NOS1AP: variants seen among roughly 807,000 people sequenced by gnomAD.
The protein encoded by NOS1AP is nitric oxide synthase 1 adaptor protein.
NOS1AP carries 21 observed loss-of-function variants against 56.2 expected under a neutral mutation model. The observed-to-expected ratio is 0.37, with a 90% CI of 0.26 to 0.54. The LOEUF (loss-of-function observed/expected upper bound fraction) is 0.54. NOS1AP is among the 20% of genes least tolerant of loss of function. The pLI is 0.84. For synonymous variants in NOS1AP, 270 were observed against 274.6 expected, an observed-to-expected ratio of 0.98 and a Z score of 0.17; for missense variants, 522 against 657.8, an observed-to-expected ratio of 0.79 and a Z score of 2.26.
At position 162,069,874 on chromosome 1, in the gene NOS1AP, T is replaced by A. The variant is rs1199047296; in HGVS notation, c.-304T>A. ...CGGGCCGCAAGCCCCACCGCTCCCC[T>A]CCCCGGGCAGGGGCGCCGCGCAGCC... On this transcript the variant is annotated 5_prime_UTR_variant, in exon 1 of 10. Transcript: ENST00000361897. 9 of 163,976 alleles carry A rather than the reference T, an allele frequency of 5.5e-5. No individual in the cohort carries two copies. The highest frequency in any genetic ancestry group is 1.8e-4 in the South Asian group (1 of 5,688). 10.2% of individuals were successfully genotyped at this position (163,976 alleles called of 1,614,324 possible).
At chr1:162,289,464 CTTTTCTTTTTT>C (rs1655213517) in intron 3 of NOS1AP, among the ~76,000 whole-genome samples, 1 of 45,050 alleles carries the variant, frequency 2.2e-5, no homozygotes, top group African/African-American at 7.9e-5. Context: ...CGCCCAGCTA[CTTTTCTTTTTT>C]TTTTTTTTTT....
chr1:162,285,737 C>T (rs186763890), intron 2 of NOS1AP, among the ~76,000 whole-genome samples: 9 of 152,236 alleles, frequency 5.9e-5, no homozygotes, highest in Admixed American at 1.3e-4. Flanking sequence ...CTCCTGTCTC[C>T]GTGTGTTTGC....
intron 1 of NOS1AP, among the ~76,000 whole-genome samples, chr1:162,149,179 G>A (rs559053453): frequency 6.6e-6 from 1 of 152,358 alleles, no homozygotes; most frequent in South Asian, 2.1e-4. Context: ...AAGGAGTGCT[G>A]TTTCAAAGTG....
At chr1:162,128,628 A>T (rs1648600537) in intron 1 of NOS1AP, among the ~76,000 whole-genome samples, 2 of 152,140 alleles carry the variant, frequency 1.3e-5, no homozygotes, top group Non-Finnish European at 2.9e-5. Flanking sequence ...AATCTTCTTT[A>T]TTTAATAGAG....
chr1:162,132,245 T>C (rs998073849), intron 1 of NOS1AP, among the ~76,000 whole-genome samples: 1 of 152,178 alleles, frequency 6.6e-6, no homozygotes, highest in African/African-American at 2.4e-5. Flanking sequence ...CAGAAGTTGA[T>C]GGCATCCTTG....
intron 2 of NOS1AP, among the ~76,000 whole-genome samples, chr1:162,260,105 C>G (rs924920530): frequency 6.6e-6 from 1 of 151,708 alleles, no homozygotes; most frequent in Admixed American, 6.6e-5. Flanking sequence ...TGCCATATAT[C>G]AAGGCAGTGA....
Position 162,367,516 on chromosome 1 carries a change from G to A in NOS1AP, c.*49G>A, listed in dbSNP as rs2101833448. 6.6e-7 allele frequency: 1 copy of A among 1,504,284 alleles called. No individual in the cohort carries two copies. Among genetic ancestry groups the A allele is most frequent in the South Asian group, 1.3e-5 (1 of 78,938 alleles). 93.2% of individuals were successfully genotyped at this position (1,504,284 alleles called of 1,614,324 possible). A position where few individuals can be genotyped will look rare whatever the true frequency, so the allele number is the denominator to read the frequency against. The stretch of plus-strand genomic sequence containing the variant: ...GCGGCGGCGTGGCTGGAGGGGCCGT[G>A]TCTGGCTGCTGCCCGGGTAGGGGAT... On this transcript the variant is annotated 3_prime_UTR_variant, in exon 10 of 10. Transcript: ENST00000361897. The surrounding 1 kb of genome is among the most constrained non-coding windows in gnomAD (Gnocchi z 6.5).
At chr1:162,215,287 G>GA (rs1652527320) in intron 2 of NOS1AP, among the ~76,000 whole-genome samples, 1 of 152,232 alleles carries the variant, frequency 6.6e-6, no homozygotes, top group Non-Finnish European at 1.5e-5. Flanking sequence ...TGCCAGAGCT[G>GA]AGCCACAGCA....
intron 1 of NOS1AP, among the ~76,000 whole-genome samples, chr1:162,074,879 G>C (rs1030173435): frequency 1.3e-5 from 2 of 152,118 alleles, no homozygotes; most frequent in Non-Finnish European, 2.9e-5. Flanking sequence ...CAGCATGGTG[G>C]CCCTTTTGTT....
intron 2 of NOS1AP, among the ~76,000 whole-genome samples, chr1:162,181,822 C>T (rs1228426822): frequency 6.6e-6 from 1 of 152,184 alleles, no homozygotes; most frequent in Non-Finnish European, 1.5e-5. Flanking sequence ...TCAGTACTCT[C>T]CTTGTATCAG....
At chr1:162,146,908 C>T (rs767308538) in intron 1 of NOS1AP, among the ~76,000 whole-genome samples, 3 of 152,228 alleles carry the variant, frequency 2.0e-5, no homozygotes, top group East Asian at 3.9e-4. Flanking sequence ...TTGTGTCCTG[C>T]GTTCTATGCA....
chr1:162,350,075 A>G (rs900619917), intron 6 of NOS1AP, among the ~76,000 whole-genome samples: 39 of 152,184 alleles, frequency 2.6e-4, no homozygotes, highest in African/African-American at 9.2e-4. Context: ...GCCTAATGGC[A>G]CACCTTGAGC....
At chr1:162,308,241 G>C (rs1227638256) in intron 4 of NOS1AP, among the ~76,000 whole-genome samples, 1 of 152,218 alleles carries the variant, frequency 6.6e-6, no homozygotes, top group African/African-American at 2.4e-5. Context: ...TGTCAGAGCT[G>C]GTCCCAGGTG....
intron 1 of NOS1AP, among the ~76,000 whole-genome samples, chr1:162,153,967 ATTC>A (rs898322774): frequency 2.1e-5 from 3 of 145,948 alleles, no homozygotes; most frequent in Non-Finnish European, 3.0e-5. Context: ...AAAGGTATAT[ATTC>A]TTTTTTTTTT....
At chr1:162,081,774 A>ATATATATATATAGATATATATATAGAT in intron 1 of NOS1AP, among the ~76,000 whole-genome samples, 1 of 44,060 alleles carries the variant, frequency 2.3e-5, no homozygotes, top group Non-Finnish European at 4.6e-5. Context: ...ATATATATAT[A>ATATATATATATAGATATATATATAGAT]TTTTTTTTTT....
At chr1:162,128,178 A>G (rs913244311) in intron 1 of NOS1AP, among the ~76,000 whole-genome samples, 11 of 151,966 alleles carry the variant, frequency 7.2e-5, no homozygotes, top group African/African-American at 2.7e-4. Context: ...TTCATTTGAT[A>G]TTTATCCTAA....
At chr1:162,342,398 A>T (rs1657137628) in intron 5 of NOS1AP, 1 of 403,890 alleles carries the variant, frequency 2.5e-6, no homozygotes, top group South Asian at 1.9e-5. Flanking sequence ...TCACATTAAT[A>T]TGGATGCTCT....
chr1:162,113,917 TAA>T (rs1038350315), intron 1 of NOS1AP, among the ~76,000 whole-genome samples: 26 of 145,576 alleles, frequency 1.8e-4, no homozygotes, highest in Non-Finnish European at 3.3e-4. Context: ...GTAAGAGAAT[TAA>T]AAAAAAAAAC....
At position 162,276,150 on chromosome 1, in the gene NOS1AP, A is replaced by G. The variant is rs77464780; in HGVS notation, c.178-11194A>G. Among the ~76,000 whole-genome samples, 1,359 of 152,344 alleles carry G rather than the reference A, an allele frequency of 8.9e-3. 9 individuals are homozygous for G. The highest frequency in any genetic ancestry group is 0.015 in the Non-Finnish European group (995 of 68,030). Reference sequence around the variant, plus strand: ...AAAAAATTTACTGACCCTCGGAGTCAAGGCTGGTACTGGGGATGAGTTGGG... The same window carrying G: ...AAAAAATTTACTGACCCTCGGAGTCGAGGCTGGTACTGGGGATGAGTTGGG... On this transcript the variant is annotated intron_variant, in intron 2 of 9. Coordinates refer to ENST00000361897, the MANE Select transcript of NOS1AP (RefSeq NM_014697.3).
Sources: allele counts gnomAD v4.1 joint callset (sites outside exome capture counted in the v4.1 genomes callset), GRCh38; gene constraint gnomAD v4.1.1; non-coding constraint Gnocchi (gnomAD v3.1); transcripts MANE v1.5; gene names NCBI Gene and HGNC (gene_info 2026-07-23, HGNC 2026-07-21).